Variants in PACC1 observed in about 807,000 individuals in gnomAD.
PACC1 encodes proton-activated chloride channel.
In PACC1, 34 loss-of-function variants were observed where a neutral mutation model predicts 39.7. That is an observed-to-expected ratio of 0.86 (90% confidence interval 0.65 to 1.14). The LOEUF (loss-of-function observed/expected upper bound fraction) is 1.14, where lower values mean the gene tolerates loss of function less well. PACC1 is among the 50% of genes most tolerant of loss of function. PACC1 has a pLI of 0.00. For synonymous variants in PACC1, 127 were observed against 160.6 expected (o/e 0.79, Z 1.58); for missense variants, 379 against 436.4 (o/e 0.87, Z 1.17).
At position 212,379,958 on chromosome 1, in the gene PACC1, C is replaced by T; in HGVS notation, c.575G>A (p.Ser192Asn). The change falls in exon 5 of 8, where the codon AGT becomes AAT. Residue 192 changes from serine (S) to asparagine (N), a missense_variant. Coordinates refer to ENST00000261455, the MANE Select transcript of PACC1 (RefSeq NM_018252.3). ...LVFLQFRLNK[S>N]SEDFSAIDYL... ...ATCAATGGCGCTGAAGTCCTCACTA[C>T]TCTTGTTCAGGCGGAACTGGAGGAA... 1 of 1,614,244 alleles carries T rather than the reference C, an allele frequency of 6.2e-7. No individual in the cohort carries two copies. Among genetic ancestry groups the T allele is most frequent in the Non-Finnish European group, 8.5e-7 (1 of 1,180,040 alleles).
At chr1:212,414,490 A>G (rs920351441) in intron 1 of PACC1, among the ~76,000 whole-genome samples, 2 of 152,012 alleles carry the variant, frequency 1.3e-5, no homozygotes, top group Non-Finnish European at 2.9e-5. Context: ...GACCTCGGCC[A>G]TGCAACCCGC....
rs1481198694 is a variant in PACC1 at position 212,364,485 on chromosome 1, TTAAC to T, written c.*726_*729del. The stretch of plus-strand genomic sequence containing the variant: ...TATTGTCACACTCGTTCCTTTTGTA[TTAAC>T]TTTTATTTACCTGTTAATGAAATCA... On this transcript the variant is annotated 3_prime_UTR_variant, in exon 8 of 8. Coordinates refer to ENST00000261455, the MANE Select transcript of PACC1 (RefSeq NM_018252.3). 1 of 152,628 alleles carries T rather than the reference TTAAC, an allele frequency of 6.6e-6. No individual in the cohort carries two copies. The allele number at this position is 152,628 out of a possible 1,614,324, so 9.5% of individuals were successfully genotyped here.
intron 2 of PACC1, among the ~76,000 whole-genome samples, chr1:212,409,032 T>C (rs1367217303): frequency 6.6e-6 from 1 of 152,194 alleles, no homozygotes; most frequent in African/African-American, 2.4e-5. Flanking sequence ...GGAGTGCAAA[T>C]CCTATTGTAA....
chr1:212,379,906 CTCCT>C lies in PACC1; in HGVS notation c.623_626del (p.Gln208ArgfsTer9). 6.2e-7 allele frequency: 1 copy of C among 1,614,168 alleles called. No homozygotes were observed. The highest frequency in any genetic ancestry group is 1.1e-5 in the South Asian group (1 of 91,078). On this transcript the variant is annotated frameshift_variant, in exon 5 of 8. Coordinates refer to ENST00000261455, the MANE Select transcript of PACC1 (RefSeq NM_018252.3). LOFTEE classifies it high-confidence loss of function. ...CTCTAAAAGCCCACCTTTGCAGGAA[CTCCT>C]GGAAAGAAGAGAAGAGGAGGTAATC...
At chr1:212,403,404 T>C (rs1036690810) in intron 2 of PACC1, among the ~76,000 whole-genome samples, 6 of 152,164 alleles carry the variant, frequency 3.9e-5, no homozygotes, top group Admixed American at 1.3e-4. Flanking sequence ...TCAGTCTTCA[T>C]GGCCCCCCTG....
Position 212,414,861 on chromosome 1 carries a change from A to G in PACC1, c.-104T>C, listed in dbSNP as rs1266745949. 37 of 1,510,270 alleles carry G rather than the reference A, an allele frequency of 2.4e-5. 1 individual carries two copies. In the South Asian group the frequency reaches 3.4e-4, roughly 14 times the overall value. 93.6% of individuals were successfully genotyped at this position (1,510,270 alleles called of 1,614,324 possible). Reference sequence around the variant, plus strand: ...TGGACCTACCGGCTCCGCGAGGCGAAACCGGTCCGGAGGGGCGTCCCAGAG... The same window carrying G: ...TGGACCTACCGGCTCCGCGAGGCGAGACCGGTCCGGAGGGGCGTCCCAGAG... On this transcript the variant is annotated 5_prime_UTR_variant, in exon 1 of 8. Coordinates refer to ENST00000261455, the MANE Select transcript of PACC1 (RefSeq NM_018252.3).
At chr1:212,379,466 C>A (rs1430127753) in intron 5 of PACC1, among the ~76,000 whole-genome samples, 1 of 152,168 alleles carries the variant, frequency 6.6e-6, no homozygotes, top group African/African-American at 2.4e-5. Context: ...TGTTCAAGGA[C>A]CAACTGTATT....
chr1:212,375,452 T>TA, intron 6 of PACC1, 152 bp from the exon 7 acceptor site: 1 of 582,268 alleles, frequency 1.7e-6, no homozygotes, highest in East Asian at 2.8e-5. Context: ...ATCTCATATA[T>TA]ACAAGATCCT....
At chr1:212,379,343 G>A (rs1660791169) in intron 5 of PACC1, among the ~76,000 whole-genome samples, 1 of 152,178 alleles carries the variant, frequency 6.6e-6, no homozygotes. Flanking sequence ...TATGTTATTG[G>A]TAAGGCTTCT....
rs746198904 is a variant in PACC1 at position 212,375,226 on chromosome 1, T to C, written c.858A>G (p.Glu286=). The C allele has an allele frequency of 2.5e-6, 4 of 1,613,968 alleles. No homozygotes were observed. Among genetic ancestry groups the C allele is most frequent in the South Asian group, 2.2e-5 (2 of 91,062 alleles). ...KSAQLFFVVF[E]WKDPFIQKVQ... is the part of the protein sequence containing the mutation. ...CTTTCTGGATGAAAGGATCTTTCCA[T>C]TCAAAGACCACAAAAAACAATTGAG... Residue 286 remains glutamate (E), a synonymous_variant, in exon 7 of 8, where the codon GAA becomes GAG. Coordinates refer to ENST00000261455, the MANE Select transcript of PACC1 (RefSeq NM_018252.3).
chr1:212,391,901 T>C (rs1303181591), intron 2 of PACC1, among the ~76,000 whole-genome samples: 1 of 151,990 alleles, frequency 6.6e-6, no homozygotes, highest in African/African-American at 2.4e-5. Context: ...AAAAAAAGAA[T>C]TTAAAAAAAC....
rs968795045 is a variant in PACC1 at position 212,364,583 on chromosome 1, C to G, written c.*632G>C. ...GTGCTTTTGAGTGTTAATCTAAACT[C>G]ATACATCAACAAACATTCTAGCCGG... On this transcript the variant is annotated 3_prime_UTR_variant, in exon 8 of 8. Transcript: ENST00000261455. 3.3e-5 allele frequency: 5 copies of G among 152,640 alleles called. No homozygotes were observed. Among genetic ancestry groups the G allele is most frequent in the Admixed American group, 3.3e-4 (5 of 15,276 alleles). The allele number at this position is 152,640 out of a possible 1,614,324, so 9.5% of individuals were successfully genotyped here.
At position 212,365,231 on chromosome 1, in the gene PACC1, G is replaced by C; in HGVS notation, c.1037C>G (p.Thr346Arg). ...KRYLKRRGQA[T>R]SHIS The stretch of plus-strand genomic sequence containing the variant: ...GAGGTGACTTCAGCTTATGTGGCTC[G>C]TTGCCTGACCTCTTCTTTTAAGGTA... The change falls in exon 8 of 8, where the codon ACG (threonine) becomes AGG (arginine). Residue 346 changes from threonine to arginine, a missense_variant. Thr to Arg is a moderately conservative substitution (Grantham distance 71, BLOSUM62 -1). Coordinates refer to ENST00000261455, the MANE Select transcript of PACC1 (RefSeq NM_018252.3). The C allele has an allele frequency of 6.2e-7, 1 of 1,613,332 alleles. No homozygotes were observed.
chr1:212,411,828 C>T (rs1662136698), intron 1 of PACC1, among the ~76,000 whole-genome samples: 1 of 152,138 alleles, frequency 6.6e-6, no homozygotes, highest in Non-Finnish European at 1.5e-5. Flanking sequence ...GTTTAAAGCC[C>T]TCGAAGCACA....
In PACC1 at chr1:212,390,109, G is replaced by C. The variant is rs1335847100; in HGVS notation, c.134-3009C>G. ...CTAGCAGTGTAGTGACATGTAACTG[G>C]AGACAGAAAATGGGTCACAAAAAAT... is the stretch of plus-strand genomic sequence containing the variant. On this transcript the variant is annotated intron_variant, in intron 2 of 7. Transcript: ENST00000261455. Among the ~76,000 whole-genome samples the C allele has an allele frequency of 2.0e-5, 3 of 152,176 alleles. No homozygotes were observed. The South Asian group carries it at 6.2e-4, about 32-fold the overall frequency.
At chr1:212,406,529 G>C (rs1362928599) in intron 2 of PACC1, among the ~76,000 whole-genome samples, 1 of 152,016 alleles carries the variant, frequency 6.6e-6, no homozygotes, top group Non-Finnish European at 1.5e-5. Flanking sequence ...AAAAAGAAGA[G>C]TCAGAGGCAA....
chr1:212,404,360 C>G (rs1348028298), intron 2 of PACC1, among the ~76,000 whole-genome samples: 1 of 151,914 alleles, frequency 6.6e-6, no homozygotes, highest in Non-Finnish European at 1.5e-5. Context: ...CCCACCTCAG[C>G]CTCCCAAAGT....
At chr1:212,370,342 G>A (rs369639650) in intron 7 of PACC1, among the ~76,000 whole-genome samples, 2 of 152,282 alleles carry the variant, frequency 1.3e-5, no homozygotes, top group South Asian at 2.1e-4. Context: ...GGTGGCAGGC[G>A]CCTGTAGTCC....
chr1:212,365,171 G>C lies in PACC1; in HGVS notation c.*44C>G. ...CGTTTACAAAGTGGAAGTGATGACA[G>C]CTCCCATTGATGTGGACAGTTCTCT... On this transcript the variant is annotated 3_prime_UTR_variant, in exon 8 of 8. Coordinates refer to ENST00000261455, the MANE Select transcript of PACC1 (RefSeq NM_018252.3). The C allele has an allele frequency of 6.3e-7, 1 of 1,581,710 alleles. No individual in the cohort carries two copies. The highest frequency in any genetic ancestry group is 8.6e-7 in the Non-Finnish European group (1 of 1,162,010).
Sources: gnomAD v4.1 joint callset for allele counts (sites outside exome capture counted in the v4.1 genomes callset) on GRCh38, gnomAD v4.1.1 for gene constraint, MANE v1.5 for transcripts, NCBI Gene and HGNC (gene_info 2026-07-23, HGNC 2026-07-21) for gene names.